Variants in JARID2 observed in about 807,000 individuals in gnomAD.
The protein encoded by JARID2 is protein Jumonji.
Under a neutral mutation model 125.6 loss-of-function variants are expected in JARID2, and 21 were observed. The observed-to-expected ratio is 0.17, with a 90% confidence interval of 0.12 to 0.24. The LOEUF is 0.24. Among genes scored for constraint, JARID2 ranks in the 10% least tolerant of loss-of-function variants. The pLI, the probability that JARID2 is intolerant of heterozygous loss-of-function variation, is 1.00. For missense variants in JARID2, 1,303 were observed against 1,639.6 expected (o/e 0.79, Z 3.55); for synonymous variants, 736 against 661.6 (o/e 1.11, Z -1.73).
At chr6:15,266,106 CAT>C (rs1371496144) in intron 1 of JARID2, among the ~76,000 whole-genome samples, 1 of 152,190 alleles carries the variant, frequency 6.6e-6, no homozygotes, top group African/African-American at 2.4e-5. Context: ...AGAACTGTCA[CAT>C]ATGCTCTCCT....
chr6:15,356,557 T>G (rs996087024), intron 1 of JARID2, among the ~76,000 whole-genome samples: 2 of 152,222 alleles, frequency 1.3e-5, no homozygotes, highest in Non-Finnish European at 2.9e-5. Context: ...AGAGCATTTT[T>G]TTTTTAGGCA....
intron 1 of JARID2, among the ~76,000 whole-genome samples, chr6:15,329,559 AGT>A (rs1762638714): frequency 6.6e-6 from 1 of 152,186 alleles, no homozygotes; most frequent in Non-Finnish European, 1.5e-5. Flanking sequence ...TGCACAGATT[AGT>A]TAATGTCTCC....
At chr6:15,462,509 G>C (rs1192518761) in intron 4 of JARID2, among the ~76,000 whole-genome samples, 1 of 152,214 alleles carries the variant, frequency 6.6e-6, no homozygotes, top group Non-Finnish European at 1.5e-5. Context: ...GCTTTCTTCT[G>C]TGACTTCTTT....
At chr6:15,378,215 GGTTA>G (rs1764444493) in intron 2 of JARID2, among the ~76,000 whole-genome samples, 8 of 112,300 alleles carry the variant, frequency 7.1e-5, no homozygotes, top group Middle Eastern at 4.4e-3. Flanking sequence ...TTTTTTTTTT[GGTTA>G]GTTCCCAACC....
At chr6:15,381,683 G>T (rs550496930) in intron 2 of JARID2, among the ~76,000 whole-genome samples, 119 of 152,222 alleles carry the variant, frequency 7.8e-4, no homozygotes, top group Non-Finnish European at 1.7e-3. Context: ...TAGTGATGTA[G>T]GTGGGGCATT....
chr6:15,322,857 A>C (rs1003231544), intron 1 of JARID2, among the ~76,000 whole-genome samples: 1 of 152,250 alleles, frequency 6.6e-6, no homozygotes, highest in Non-Finnish European at 1.5e-5. Flanking sequence ...GTCTTCAAAC[A>C]AAATAAAACT....
intron 1 of JARID2, among the ~76,000 whole-genome samples, chr6:15,271,196 A>T (rs1056675924): frequency 2.0e-5 from 3 of 152,178 alleles, no homozygotes; most frequent in African/African-American, 7.2e-5. Flanking sequence ...AGGGAGGGAC[A>T]TGTGTAGGGG....
chr6:15,468,993 A>C (rs1768885056), intron 5 of JARID2, among the ~76,000 whole-genome samples: 1 of 152,184 alleles, frequency 6.6e-6, no homozygotes, highest in Non-Finnish European at 1.5e-5. Context: ...GACCAGATCT[A>C]CATGGGGATG....
chr6:15,507,697 G>A (rs1385064904), intron 11 of JARID2, among the ~76,000 whole-genome samples: 1 of 152,206 alleles, frequency 6.6e-6, no homozygotes, highest in Non-Finnish European at 1.5e-5. Context: ...TTTCAAAGCT[G>A]AAGTCACAAT....
intron 9 of JARID2, among the ~76,000 whole-genome samples, chr6:15,504,806 T>C (rs991856231): frequency 6.6e-6 from 1 of 152,154 alleles, no homozygotes; most frequent in South Asian, 2.1e-4. Flanking sequence ...AACACTATAA[T>C]GAAGGTGGGG....
intron 4 of JARID2, 26 bp from the exon 5 acceptor site, chr6:15,468,516 A>T (rs1194324316): frequency 3.1e-6 from 5 of 1,601,288 alleles, no homozygotes; most frequent in African/African-American, 1.3e-5. Flanking sequence ...GCCTGTGTTT[A>T]TGAGCTGTTT....
chr6:15,318,746 A>G (rs1762257656), intron 1 of JARID2, among the ~76,000 whole-genome samples: 1 of 152,252 alleles, frequency 6.6e-6, no homozygotes, highest in East Asian at 1.9e-4. Flanking sequence ...AGGGGTGGGA[A>G]AGGCAACAAA....
intron 7 of JARID2, 93 bp from the exon 8 acceptor site, chr6:15,500,814 A>C (rs1770698495): frequency 9.1e-7 from 1 of 1,096,784 alleles, no homozygotes; most frequent in African/African-American, 1.6e-5. Context: ...CCTGGCTCAT[A>C]GTAGGAGTTC....
intron 5 of JARID2, among the ~76,000 whole-genome samples, chr6:15,485,493 A>G (rs1769823340): frequency 6.6e-6 from 1 of 152,232 alleles, no homozygotes; most frequent in African/African-American, 2.4e-5. Context: ...GTGACTAGTC[A>G]CTAATAATGT....
intron 2 of JARID2, among the ~76,000 whole-genome samples, chr6:15,401,226 C>A (rs902809804): frequency 4.6e-5 from 7 of 151,888 alleles, no homozygotes; most frequent in Non-Finnish European, 8.8e-5. Context: ...ATTCTTTTAG[C>A]TTTGATATCC....
chr6:15,272,488 G>A (rs1428680943), intron 1 of JARID2, among the ~76,000 whole-genome samples: 2 of 152,192 alleles, frequency 1.3e-5, no homozygotes, highest in Admixed American at 1.3e-4. Context: ...TTGATTGAAT[G>A]TATACCTACC....
intron 5 of JARID2, among the ~76,000 whole-genome samples, chr6:15,478,552 C>G (rs1369200434): frequency 6.6e-6 from 1 of 152,036 alleles, no homozygotes; most frequent in African/African-American, 2.4e-5. Flanking sequence ...GTGTTTCTCT[C>G]TCGGTGTGTA....
chr6:15,303,506 GC>G (rs1182162068), intron 1 of JARID2, among the ~76,000 whole-genome samples: 2 of 152,238 alleles, frequency 1.3e-5, no homozygotes, highest in Non-Finnish European at 2.9e-5. Context: ...TGCTTTTTAA[GC>G]CTTAGGGCTT....
intron 7 of JARID2, among the ~76,000 whole-genome samples, chr6:15,497,681 C>A (rs1317725961): frequency 6.6e-6 from 1 of 150,532 alleles, no homozygotes; most frequent in Non-Finnish European, 1.5e-5. Context: ...GAGCTTGGAT[C>A]TGGGGTGAGC....
Sources: allele counts gnomAD v4.1 joint callset (sites outside exome capture counted in the v4.1 genomes callset), GRCh38; gene constraint gnomAD v4.1.1; transcripts MANE v1.5; gene names NCBI Gene and HGNC (gene_info 2026-07-23, HGNC 2026-07-21).